Variants in CAST observed in about 807,000 individuals in gnomAD.
CAST encodes MIR583 host.
Under a neutral mutation model 119.6 loss-of-function variants are expected in CAST, and 76 were observed. The ratio of observed to expected loss-of-function variants is 0.64; its 90% CI spans 0.53 to 0.77. The LOEUF is 0.77. CAST is among the 30% of genes least tolerant of loss of function. CAST has a pLI of 0.00. For missense variants in CAST, 953 were observed against 946.5 expected (o/e 1.01, Z -0.09); for synonymous variants, 319 against 331.6 (o/e 0.96, Z 0.41).
the CAST span, among the ~76,000 whole-genome samples, chr5:96,423,072 C>T: frequency 6.6e-6 from 1 of 152,250 alleles, no homozygotes; most frequent in Middle Eastern, 3.4e-3. Context: ...AGGCACTGCC[C>T]CTTCTTCTCC....
the CAST span, among the ~76,000 whole-genome samples, chr5:96,307,331 G>T: frequency 6.6e-6 from 1 of 152,010 alleles, no homozygotes; most frequent in South Asian, 2.1e-4. Context: ...CCTTTATTTT[G>T]AGCCTATGTG....
the CAST span, chr5:96,392,131 T>A: frequency 1.3e-5 from 2 of 151,962 alleles, no homozygotes; most frequent in South Asian, 4.1e-4. Flanking sequence ...CTGTTACTGC[T>A]GAAAAAAATT....
chr5:96,639,634 C>G (rs1561437324), intron 1 of CAST, among the ~76,000 whole-genome samples: 1 of 152,192 alleles, frequency 6.6e-6, no homozygotes, highest in African/African-American at 2.4e-5. Context: ...GAGGAGGGCC[C>G]TCTCAAAGGC....
At chr5:96,106,287 C>T in the CAST span, among the ~76,000 whole-genome samples, 4 of 152,082 alleles carry the variant, frequency 2.6e-5, no homozygotes, top group African/African-American at 9.7e-5. Context: ...TTTGCTCTTG[C>T]TTTTCTAGTT....
chr5:96,606,538 C>A (rs1201049269), intron 1 of CAST, among the ~76,000 whole-genome samples: 1 of 152,150 alleles, frequency 6.6e-6, no homozygotes, highest in Non-Finnish European at 1.5e-5. Flanking sequence ...GAAAAACAGG[C>A]CCACAAGGCA....
At chr5:96,354,439 C>T in the CAST span, among the ~76,000 whole-genome samples, 3 of 152,022 alleles carry the variant, frequency 2.0e-5, no homozygotes, top group East Asian at 1.9e-4. Context: ...TGGTATTGAC[C>T]GCATTTCATT....
At chr5:96,658,467 C>T (rs1327167231), upstream of CAST, among the ~76,000 whole-genome samples, 6 of 152,142 alleles carry the variant, frequency 3.9e-5, no homozygotes, top group East Asian at 1.2e-3. Flanking sequence ...TCAGCTGTGG[C>T]TCATTTTATG....
intron 1 of CAST, among the ~76,000 whole-genome samples, chr5:96,621,680 A>G (rs1388437204): frequency 6.6e-6 from 1 of 152,178 alleles, no homozygotes; most frequent in Non-Finnish European, 1.5e-5. Flanking sequence ...GATTATGAGG[A>G]TTACAATTCA....
At chr5:96,317,498 A>AAAAG in the CAST span, among the ~76,000 whole-genome samples, 1 of 151,174 alleles carries the variant, frequency 6.6e-6, no homozygotes. Flanking sequence ...AAAAAAAAAA[A>AAAAG]AAAGAATGGT....
At chr5:96,391,489 G>T in the CAST span, 1 of 152,194 alleles carries the variant, frequency 6.6e-6, no homozygotes, top group Non-Finnish European at 1.5e-5. Context: ...TGATCATCCA[G>T]GTGAGGTGAG....
At chr5:96,056,535 C>T in the CAST span, among the ~76,000 whole-genome samples, 34 of 152,202 alleles carry the variant, frequency 2.2e-4, no homozygotes, top group African/African-American at 6.7e-4. Context: ...GAGTTTGAAT[C>T]GGCATATTGA....
upstream of CAST, among the ~76,000 whole-genome samples, chr5:96,659,954 T>C (rs1748222133): frequency 1.3e-5 from 2 of 152,194 alleles, no homozygotes; most frequent in Non-Finnish European, 2.9e-5. Context: ...AATTCTTCTG[T>C]ACTCATAGTC....
At chr5:95,968,836 G>T in the CAST span, among the ~76,000 whole-genome samples, 1 of 152,216 alleles carries the variant, frequency 6.6e-6, no homozygotes, top group East Asian at 1.9e-4. Flanking sequence ...ACCCTTATAG[G>T]TTAGAATATT....
chr5:96,549,248 A>T (rs1385408883), intron 1 of CAST, among the ~76,000 whole-genome samples: 1 of 152,198 alleles, frequency 6.6e-6, no homozygotes, highest in Admixed American at 6.5e-5. Flanking sequence ...TTCGAAATAG[A>T]CTCAAAGGTA....
chr5:96,542,354 T>C (rs1188944405), intron 1 of CAST, among the ~76,000 whole-genome samples: 6 of 151,748 alleles, frequency 4.0e-5, no homozygotes, highest in African/African-American at 1.5e-4. Flanking sequence ...TGTAAGAAAC[T>C]GTCAAACTGC....
chr5:96,683,255 G>C (rs1288931122), intron 2 of CAST, among the ~76,000 whole-genome samples: 6 of 152,176 alleles, frequency 3.9e-5, no homozygotes, highest in African/African-American at 1.4e-4. Context: ...TTCACCAATT[G>C]TGCTTTTCAA....
chr5:96,106,264 G>T, the CAST span, among the ~76,000 whole-genome samples: 1 of 152,026 alleles, frequency 6.6e-6, no homozygotes, highest in Non-Finnish European at 1.5e-5. Flanking sequence ...CCTTCTGCTA[G>T]CTTTTGAATG....
intron 1 of CAST, among the ~76,000 whole-genome samples, chr5:96,544,728 G>C (rs778957374): frequency 3.2e-4 from 49 of 151,734 alleles, no homozygotes; most frequent in Non-Finnish European, 6.3e-4. Context: ...GAGTAGAAAA[G>C]AGTTAAAAAT....
chr5:96,487,222 G>A, the CAST span, among the ~76,000 whole-genome samples: 1 of 152,164 alleles, frequency 6.6e-6, no homozygotes, highest in Admixed American at 6.5e-5. Flanking sequence ...CATACCATAT[G>A]TGTTTAAAAA....
Sources: gnomAD v4.1 joint callset for allele counts (sites outside exome capture counted in the v4.1 genomes callset) on GRCh38, gnomAD v4.1.1 for gene constraint, MANE v1.5 for transcripts, NCBI Gene and HGNC (gene_info 2026-07-23, HGNC 2026-07-21) for gene names.